WIPF3: variants seen among roughly 807,000 people sequenced by gnomAD.
The protein encoded by WIPF3 is WAS/WASL-interacting protein family member 3.
A neutral mutation model predicts 38.9 loss-of-function variants in WIPF3; 33 were observed. The observed-to-expected ratio is 0.85, with a 90% confidence interval of 0.64 to 1.14. The LOEUF is 1.14. Ranked by LOEUF, WIPF3 falls within the 50% of genes most tolerant of loss-of-function variation. The pLI is 0.00. For missense variants in WIPF3, 711 were observed against 652.5 expected, an observed-to-expected ratio of 1.09 and a Z score of -0.98; for synonymous variants, 324 against 269.3, an observed-to-expected ratio of 1.20 and a Z score of -1.99.
At chr7:29,845,044 T>G (rs1439915184) in intron 2 of WIPF3, among the ~76,000 whole-genome samples, 4 of 150,786 alleles carry the variant, frequency 2.7e-5, no homozygotes, top group Non-Finnish European at 5.9e-5. Flanking sequence ...TTTTTTTTTT[T>G]CTGTGTGGTT....
chr7:29,890,273 G>T (rs1379457831), intron 7 of WIPF3, among the ~76,000 whole-genome samples: 1 of 151,446 alleles, frequency 6.6e-6, no homozygotes, highest in African/African-American at 2.4e-5. Context: ...GATTGCTTGA[G>T]CCCAGGAGTT....
intron 1 of WIPF3, among the ~76,000 whole-genome samples, chr7:29,816,602 A>G (rs935976349): frequency 1.2e-4 from 19 of 152,056 alleles, no homozygotes; most frequent in Non-Finnish European, 1.5e-4. Flanking sequence ...CTGGGATTAC[A>G]GGCATGAGCT....
chr7:29,814,797 GT>G (rs1784431587), intron 1 of WIPF3, among the ~76,000 whole-genome samples: 1 of 152,034 alleles, frequency 6.6e-6, no homozygotes, highest in Non-Finnish European at 1.5e-5. Context: ...TCAGTGAACT[GT>G]TTAACTGAGC....
At chr7:29,858,201 T>A (rs1785216702) in intron 2 of WIPF3, among the ~76,000 whole-genome samples, 1 of 152,252 alleles carries the variant, frequency 6.6e-6, no homozygotes, top group Admixed American at 6.5e-5. Flanking sequence ...CAGTTGATGA[T>A]GTTTGTTAAA....
chr7:29,884,716 A>G, intron 5 of WIPF3, 123 bp downstream of exon 5: 3 of 1,370,410 alleles, frequency 2.2e-6, no homozygotes, highest in Non-Finnish European at 2.9e-6. Flanking sequence ...GGAGGCAGAG[A>G]GACTTGCCCA....
At chr7:29,910,393 TGAA>T (rs1291089709) in intron 8 of WIPF3, among the ~76,000 whole-genome samples, 1 of 152,126 alleles carries the variant, frequency 6.6e-6, no homozygotes, top group African/African-American at 2.4e-5. Context: ...TCCAAAAAAT[TGAA>T]GAGGAGGGAA....
chr7:29,807,064 C>T (rs1225659014), intron 1 of WIPF3, among the ~76,000 whole-genome samples: 5 of 152,114 alleles, frequency 3.3e-5, no homozygotes, highest in Admixed American at 3.3e-4. Context: ...GCTCTCTCTT[C>T]TCCGCTTCGC....
At chr7:29,849,106 AT>A (rs1388424835) in intron 2 of WIPF3, among the ~76,000 whole-genome samples, 1 of 152,080 alleles carries the variant, frequency 6.6e-6, no homozygotes, top group East Asian at 1.9e-4. Context: ...ACTGTGATTT[AT>A]TCCCCTTATC....
intron 8 of WIPF3, among the ~76,000 whole-genome samples, chr7:29,906,603 G>T (rs911710212): frequency 2.0e-5 from 3 of 151,918 alleles, no homozygotes; most frequent in African/African-American, 7.3e-5. Flanking sequence ...AAAGAAAAAG[G>T]GTAAAAAAGA....
chr7:29,914,648 T>G lies in WIPF3; in HGVS notation c.*132T>G. 1.8e-6 allele frequency: 1 copy of G among 562,068 alleles called. No individual in the cohort carries two copies. Among genetic ancestry groups the G allele is most frequent in the Non-Finnish European group, 2.9e-6 (1 of 349,454 alleles). The allele number at this position is 562,068 out of a possible 1,614,324, so 34.8% of individuals were successfully genotyped here. A position where few individuals can be genotyped will look rare whatever the true frequency, so the allele number is the denominator to read the frequency against. The stretch of plus-strand genomic sequence containing the variant: ...ATTGAGAATTTATTTATTGTAAATA[T>G]GTGATTTGCACGGGCTTTAAAGCAG... On this transcript the variant is annotated 3_prime_UTR_variant, in exon 9 of 9. Transcript: ENST00000242140.
intron 2 of WIPF3, among the ~76,000 whole-genome samples, chr7:29,874,093 TG>T (rs1331236194): frequency 1.3e-5 from 2 of 152,150 alleles, no homozygotes; most frequent in African/African-American, 4.8e-5. Flanking sequence ...GGAACCAGCA[TG>T]GCTGCCCAGT....
In WIPF3 at chr7:29,916,391, A is replaced by G. The variant is rs1231628936; in HGVS notation, c.*1875A>G. ...AGGTGTTTAGACATTCGTGTCTCCT[A>G]TGGCTGGGATGGAAATTAAAATAAC... On this transcript the variant is annotated 3_prime_UTR_variant, in exon 9 of 9. Coordinates refer to ENST00000242140, the MANE Select transcript of WIPF3 (RefSeq NM_001080529.3). 1 of 152,210 alleles carries G rather than the reference A, an allele frequency of 6.6e-6. No individual in the cohort carries two copies. The highest frequency in any genetic ancestry group is 1.5e-5 in the Non-Finnish European group (1 of 68,030). 9.4% of individuals were successfully genotyped at this position (152,210 alleles called of 1,614,324 possible).
intron 1 of WIPF3, among the ~76,000 whole-genome samples, chr7:29,807,726 A>C (rs896909913): frequency 8.1e-4 from 123 of 152,316 alleles, no homozygotes; most frequent in Non-Finnish European, 6.8e-4. Flanking sequence ...AACTGGCTGT[A>C]TTGGGGAGGA....
chr7:29,916,253 A>G lies in WIPF3; in HGVS notation c.*1737A>G, dbSNP rs1445565522. 1 of 152,070 alleles carries G rather than the reference A, an allele frequency of 6.6e-6. No homozygotes were observed. Among genetic ancestry groups the G allele is most frequent in the African/African-American group, 2.4e-5 (1 of 41,390 alleles). The allele number at this position is 152,070 out of a possible 1,614,324, so 9.4% of individuals were successfully genotyped here. On this transcript the variant is annotated 3_prime_UTR_variant, in exon 9 of 9. Coordinates refer to ENST00000242140, the MANE Select transcript of WIPF3 (RefSeq NM_001080529.3). ...AGAATTTATTATTATAACAGTGTCC[A>G]CTCCACTGCCCTCACAGTTGTGTAA...
At position 29,884,558 on chromosome 7, in the gene WIPF3, A is replaced by G. The variant is rs1785829970; in HGVS notation, c.1064A>G (p.Gln355Arg). Residue 355 changes from glutamine (Q) to arginine (R), a missense_variant, in exon 5 of 9, where the codon CAG (glutamine) becomes CGG (arginine). Physicochemically the swap from Gln to Arg is conservative, Grantham distance 43. Coordinates refer to ENST00000242140, the MANE Select transcript of WIPF3 (RefSeq NM_001080529.3). ...LPAPPAPPGS[Q>R]PFLQKKRHGR... ...GCCCCGCCTGCCCCTCCGGGCTCCC[A>G]GCCGTTCCTGCAGAAGAAGAGGCAT... 1.9e-6 allele frequency: 3 copies of G among 1,602,040 alleles called. No homozygotes were observed. In the East Asian group the frequency reaches 6.8e-5, roughly 36 times the overall value.
intron 7 of WIPF3, among the ~76,000 whole-genome samples, chr7:29,890,828 C>G (rs1368829837): frequency 5.6e-5 from 8 of 141,886 alleles, no homozygotes; most frequent in African/African-American, 1.6e-4. Flanking sequence ...GGGGCGCAGA[C>G]CTGCCCTGTG....
intron 8 of WIPF3, among the ~76,000 whole-genome samples, chr7:29,907,186 C>T (rs968499100): frequency 1.3e-5 from 2 of 152,096 alleles, no homozygotes; most frequent in African/African-American, 2.4e-5. Flanking sequence ...ATTTAAAAGA[C>T]AAAACATTTT....
At chr7:29,909,119 A>G (rs537027322) in intron 8 of WIPF3, among the ~76,000 whole-genome samples, 1 of 152,256 alleles carries the variant, frequency 6.6e-6, no homozygotes, top group African/African-American at 2.4e-5. Flanking sequence ...AACATACAAC[A>G]TACCAAAATT....
chr7:29,866,178 A>G (rs1264177818), intron 2 of WIPF3, among the ~76,000 whole-genome samples: 1 of 152,204 alleles, frequency 6.6e-6, no homozygotes, highest in Admixed American at 6.5e-5. Context: ...GGAAGTCTAG[A>G]TTCACTTACA....
Sources: gnomAD v4.1 joint callset for allele counts (sites outside exome capture counted in the v4.1 genomes callset) on GRCh38, gnomAD v4.1.1 for gene constraint, MANE v1.5 for transcripts, NCBI Gene and HGNC (gene_info 2026-07-23, HGNC 2026-07-21) for gene names.